Variants in LRRC20 observed in about 807,000 individuals in gnomAD.
LRRC20 encodes leucine rich repeat containing 20, also known as leucine-rich repeat-containing protein 20.
A neutral mutation model predicts 14.4 loss-of-function variants in LRRC20; 11 were observed. The observed-to-expected ratio is 0.77, with a 90% CI of 0.48 to 1.27. The LOEUF is 1.27. Ranked by LOEUF, LRRC20 falls within the 50% of genes most tolerant of loss-of-function variation. LRRC20 has a pLI of 0.00. For missense variants in LRRC20, 219 were observed against 251.2 expected (o/e 0.87, Z 0.87); for synonymous variants, 121 against 107.3 (o/e 1.13, Z -0.79).
intron 1 of LRRC20, among the ~76,000 whole-genome samples, chr10:70,378,037 T>C (rs1304102664): frequency 2.2e-3 from 1 of 452 alleles, no homozygotes; most frequent in Non-Finnish European, 4.4e-3. Flanking sequence ...GCTAGGTTAA[T>C]ATGAGGATTG....
chr10:70,319,086 C>T (rs548881210), intron 4 of LRRC20, among the ~76,000 whole-genome samples: 2 of 150,826 alleles, frequency 1.3e-5, no homozygotes, highest in East Asian at 2.0e-4. Flanking sequence ...GAATTACAGG[C>T]GTGAGCCACC....
intron 3 of LRRC20, among the ~76,000 whole-genome samples, chr10:70,326,781 T>C (rs1330870540): frequency 6.6e-6 from 1 of 152,124 alleles, no homozygotes; most frequent in Admixed American, 6.5e-5. Flanking sequence ...GCCTCCCAAG[T>C]AGCTGGGACT....
chr10:70,373,914 C>T (rs1281075722), intron 2 of LRRC20, among the ~76,000 whole-genome samples: 1 of 152,170 alleles, frequency 6.6e-6, no homozygotes, highest in Non-Finnish European at 1.5e-5. Context: ...GGGAGCTGGT[C>T]GCAGCATGCC....
chr10:70,367,161 C>T (rs1284347169), intron 2 of LRRC20, among the ~76,000 whole-genome samples: 1 of 151,676 alleles, frequency 6.6e-6, no homozygotes, highest in Non-Finnish European at 1.5e-5. Flanking sequence ...CCCATCTCTA[C>T]AAAAAATACA....
intron 3 of LRRC20, among the ~76,000 whole-genome samples, chr10:70,333,323 G>T (rs1842607468): frequency 6.6e-6 from 1 of 152,134 alleles, no homozygotes; most frequent in Admixed American, 6.5e-5. Flanking sequence ...GGTTTCTAGG[G>T]GTGGTTAAGA....
intron 4 of LRRC20, 37 bp from the exon 5 acceptor site, chr10:70,301,545 G>A: frequency 6.2e-7 from 1 of 1,602,376 alleles, no homozygotes; most frequent in Non-Finnish European, 8.5e-7. Context: ...GAGTGGTGGA[G>A]GCCAACCAGA....
intron 4 of LRRC20, among the ~76,000 whole-genome samples, chr10:70,310,085 T>A (rs561732599): frequency 1.3e-5 from 2 of 152,240 alleles, no homozygotes; most frequent in Non-Finnish European, 2.9e-5. Context: ...AAAAGTCATT[T>A]GAGCAGCTTA....
At position 70,329,561 on chromosome 10, in the gene LRRC20, C is replaced by CTT. The variant is rs375932907; in HGVS notation, c.233-5533_233-5532dup. 6.0e-4 allele frequency among the ~76,000 whole-genome samples: 75 copies of CTT among 124,868 alleles called. 1 individual carries two copies. Among genetic ancestry groups the CTT allele is most frequent in the Middle Eastern group, 8.5e-3 (2 of 236 alleles). The allele number at this position is 124,868 out of a possible 152,430, so 81.9% of individuals were successfully genotyped here. On this transcript the variant is annotated intron_variant, in intron 3 of 4. Transcript: ENST00000446961. The stretch of plus-strand genomic sequence containing the variant: ...TATGATTGTGTGATTCTTCTTTTGC[C>CTT]TTTTTTTTTTTTTTTTTCGAGATGG...
chr10:70,367,108 T>A (rs1317244649), intron 2 of LRRC20, among the ~76,000 whole-genome samples: 1 of 151,914 alleles, frequency 6.6e-6, no homozygotes, highest in East Asian at 1.9e-4. Flanking sequence ...GAGGAATGCT[T>A]GAGCCCAGGA....
At position 70,300,610 on chromosome 10, in the gene LRRC20, G is replaced by A. The variant is rs924656959; in HGVS notation, c.*744C>T. On this transcript the variant is annotated 3_prime_UTR_variant, in exon 5 of 5. Transcript: ENST00000446961. ...CTCCCGCAGCTCAGGAGTGATGCTA[G>A]AGGGACGGAGCACTCAGGACTTCCC... The A allele has an allele frequency of 1.0e-6, 1 of 985,504 alleles. No homozygotes were observed. The highest frequency in any genetic ancestry group is 1.7e-5 in the African/African-American group (1 of 57,254). 61.0% of individuals were successfully genotyped at this position (985,504 alleles called of 1,614,324 possible).
intron 2 of LRRC20, among the ~76,000 whole-genome samples, chr10:70,370,523 G>A (rs1182546603): frequency 6.6e-6 from 1 of 152,172 alleles, no homozygotes; most frequent in Admixed American, 6.5e-5. Flanking sequence ...GGAGGCTGAG[G>A]CTGGGAGTTC....
intron 2 of LRRC20, among the ~76,000 whole-genome samples, chr10:70,347,574 C>T (rs935192454): frequency 6.6e-6 from 1 of 152,114 alleles, no homozygotes; most frequent in African/African-American, 2.4e-5. Context: ...ATTCCCAGCA[C>T]TTTGGGAGGC....
At chr10:70,302,246 G>T (rs1841221129) in intron 4 of LRRC20, among the ~76,000 whole-genome samples, 1 of 152,144 alleles carries the variant, frequency 6.6e-6, no homozygotes, top group South Asian at 2.1e-4. Context: ...CCACGAGGCG[G>T]AGGTTGCAGT....
intron 4 of LRRC20, among the ~76,000 whole-genome samples, chr10:70,320,727 C>A (rs1214236811): frequency 1.3e-5 from 2 of 152,178 alleles, no homozygotes; most frequent in Non-Finnish European, 2.9e-5. Flanking sequence ...ATCCACGTGC[C>A]ACACAGACCT....
At position 70,327,911 on chromosome 10, in the gene LRRC20, C is replaced by G. The variant is rs529313574; in HGVS notation, c.233-3881G>C. 6.6e-5 allele frequency among the ~76,000 whole-genome samples: 10 copies of G among 152,294 alleles called. No homozygotes were observed. In the East Asian group the frequency reaches 1.3e-3, roughly 21 times the overall value. On this transcript the variant is annotated intron_variant, in intron 3 of 4. Transcript: ENST00000446961. ...TTGTCCCCTCCCTAAGAGAAGCAGG[C>G]CACGCTGGCACCTCACTTCATCCAG...
At chr10:70,323,688 G>A (rs183726750) in intron 4 of LRRC20, among the ~76,000 whole-genome samples, 175 bp downstream of exon 4, 115 of 152,330 alleles carry the variant, frequency 7.5e-4, no homozygotes, top group African/African-American at 2.7e-3. Flanking sequence ...CCCAGCACCC[G>A]GTAGGCAACA....
chr10:70,314,928 A>G lies in LRRC20; in HGVS notation c.400+8935T>C, dbSNP rs117571248. ...TGTTCCTGTGGCTTTCTATCCCCCT[A>G]GAGCTATGGGCAAAAATCTCTCCCG... is the stretch of plus-strand genomic sequence containing the variant. On this transcript the variant is annotated intron_variant, in intron 4 of 4. Coordinates refer to ENST00000446961, the MANE Select transcript of LRRC20 (RefSeq NM_001278212.2). Among the ~76,000 whole-genome samples, 9 of 152,290 alleles carry G rather than the reference A, an allele frequency of 5.9e-5. No homozygotes were observed. In the East Asian group the frequency reaches 1.7e-3, roughly 29 times the overall value.
rs116821845 is a variant in LRRC20, at chr10:70,335,878, C to T, written c.232+4675G>A. On this transcript the variant is annotated intron_variant, in intron 3 of 4. Coordinates refer to ENST00000446961, the MANE Select transcript of LRRC20 (RefSeq NM_001278212.2). ...TTATCTGTCAAATCCACATTTTAAG[C>T]CATTTCCTCTGGAGGCTTTCTGATT... is the stretch of plus-strand genomic sequence containing the variant. Among the ~76,000 whole-genome samples the T allele has an allele frequency of 9.6e-3, 1,456 of 152,304 alleles. 22 individuals carry two copies. Among genetic ancestry groups the T allele is most frequent in the African/African-American group, 0.033 (1,383 of 41,548 alleles).
intron 4 of LRRC20, among the ~76,000 whole-genome samples, chr10:70,306,124 CT>C: frequency 6.6e-6 from 1 of 151,436 alleles, no homozygotes; most frequent in Non-Finnish European, 1.5e-5. Context: ...CTCTCTCTCT[CT>C]CTCCCCCACC....
Sources: allele counts gnomAD v4.1 joint callset (sites outside exome capture counted in the v4.1 genomes callset), GRCh38; gene constraint gnomAD v4.1.1; transcripts MANE v1.5; gene names NCBI Gene and HGNC (gene_info 2026-07-23, HGNC 2026-07-21).